TBC1D1: variants seen among roughly 807,000 people sequenced by gnomAD.
TBC1D1 encodes TBC1 (tre-2/USP6, BUB2, cdc16) domain family, member 1.
Under a neutral mutation model 125.6 loss-of-function variants are expected in TBC1D1, and 89 were observed. That is an observed-to-expected ratio of 0.71 (90% CI 0.60 to 0.85). The LOEUF (loss-of-function observed/expected upper bound fraction) is 0.85, where lower values mean the gene tolerates loss of function less well. TBC1D1 is among the 40% of genes least tolerant of loss of function. The pLI is 0.00. For missense variants in TBC1D1, 1,377 were observed against 1,469.2 expected, an observed-to-expected ratio of 0.94 and a Z score of 1.03; for synonymous variants, 565 against 564.1, an observed-to-expected ratio of 1.00 and a Z score of -0.02.
intron 2 of TBC1D1, among the ~76,000 whole-genome samples, chr4:37,953,032 G>A (rs1199546271): frequency 2.0e-5 from 3 of 152,176 alleles, no homozygotes; most frequent in African/African-American, 4.8e-5. Context: ...GCCGTGTATT[G>A]TCTCAGCTGC....
At chr4:38,023,577 G>T (rs767083599) in intron 6 of TBC1D1, among the ~76,000 whole-genome samples, 1 of 152,174 alleles carries the variant, frequency 6.6e-6, no homozygotes, top group African/African-American at 2.4e-5. Flanking sequence ...TTATCTTCTT[G>T]TTTCTGGTTT....
In TBC1D1 at chr4:38,023,491, A is replaced by G. The variant is rs76154523; in HGVS notation, c.1210+1773A>G. Among the ~76,000 whole-genome samples, 27 of 152,200 alleles carry G rather than the reference A, an allele frequency of 1.8e-4. No individual in the cohort carries two copies. The East Asian group carries it at 4.6e-3, about 26-fold the overall frequency. ...CAAAACTGAAGCTCATTAAATGCCAACTCCGCTCCTTCTCAGCCTCTGGCA... is the reference window on the plus strand; with the variant it reads ...CAAAACTGAAGCTCATTAAATGCCAGCTCCGCTCCTTCTCAGCCTCTGGCA... On this transcript the variant is annotated intron_variant, in intron 6 of 19. Coordinates refer to ENST00000261439, the MANE Select transcript of TBC1D1 (RefSeq NM_015173.4).
intron 2 of TBC1D1, among the ~76,000 whole-genome samples, chr4:37,962,984 T>C (rs1323636416): frequency 6.6e-6 from 1 of 152,332 alleles, no homozygotes; most frequent in East Asian, 1.9e-4. Context: ...AAGTACTTCT[T>C]TGGCAATAAA....
intron 8 of TBC1D1, among the ~76,000 whole-genome samples, chr4:38,040,877 G>A (rs1424868993): frequency 6.6e-6 from 1 of 152,194 alleles, no homozygotes; most frequent in Non-Finnish European, 1.5e-5. Context: ...TGCTGAGTGA[G>A]TCTGTTACCT....
At chr4:37,969,751 A>G (rs917669645) in intron 2 of TBC1D1, among the ~76,000 whole-genome samples, 3 of 152,252 alleles carry the variant, frequency 2.0e-5, no homozygotes, top group African/African-American at 7.2e-5. Context: ...TACCAAAATT[A>G]AGATGTAATT....
rs564634896 is a variant in TBC1D1, at chr4:38,119,097, A to G, written c.2962+905A>G. Among the ~76,000 whole-genome samples, 3 of 152,306 alleles carry G rather than the reference A, an allele frequency of 2.0e-5. No homozygotes were observed. The East Asian group carries it at 5.8e-4, about 29-fold the overall frequency. On this transcript the variant is annotated intron_variant, in intron 17 of 19. Coordinates refer to ENST00000261439, the MANE Select transcript of TBC1D1 (RefSeq NM_015173.4). ...ACTAAAAAAATGATAGTTATTATAT[A>G]TCAAATGTTTTTAAGCATCACTTGA...
At chr4:38,070,574 C>T (rs1243185652) in intron 12 of TBC1D1, among the ~76,000 whole-genome samples, 1 of 152,084 alleles carries the variant, frequency 6.6e-6, no homozygotes, top group Non-Finnish European at 1.5e-5. Flanking sequence ...ATAGATGGTG[C>T]TTGGTTTCTT....
At chr4:37,895,089 A>AT (rs755409373) in intron 1 of TBC1D1, among the ~76,000 whole-genome samples, 6 of 152,234 alleles carry the variant, frequency 3.9e-5, no homozygotes, top group Non-Finnish European at 8.8e-5. Context: ...CTCTGGAGCC[A>AT]AAGGGCCTGG....
chr4:38,087,143 G>T (rs1189676793), intron 12 of TBC1D1, among the ~76,000 whole-genome samples: 1 of 152,204 alleles, frequency 6.6e-6, no homozygotes, highest in East Asian at 1.9e-4. Flanking sequence ...ACTGTCACTA[G>T]TGATAATAAG....
intron 2 of TBC1D1, among the ~76,000 whole-genome samples, chr4:37,915,187 A>G (rs181566377): frequency 3.3e-5 from 5 of 152,268 alleles, no homozygotes; most frequent in Non-Finnish European, 5.9e-5. Flanking sequence ...TTAATTCTTG[A>G]GGATGTACTC....
chr4:38,103,198 C>T (rs774008266), intron 15 of TBC1D1, 41 bp downstream of exon 17: 2 of 1,572,302 alleles, frequency 1.3e-6, no homozygotes, highest in South Asian at 1.2e-5. Flanking sequence ...ATGGAAGTTT[C>T]ACTCACATGA....
intron 18 of TBC1D1, among the ~76,000 whole-genome samples, chr4:38,130,910 GCTGT>G (rs376559179): frequency 2.0e-4 from 31 of 152,308 alleles, no homozygotes; most frequent in African/African-American, 6.3e-4. Flanking sequence ...GATCACTTGT[GCTGT>G]CTAAGTGTGC....
chr4:38,074,992 C>T (rs1228140359), intron 12 of TBC1D1, among the ~76,000 whole-genome samples: 2 of 152,146 alleles, frequency 1.3e-5, no homozygotes, highest in African/African-American at 4.8e-5. Flanking sequence ...AACTCCTGAC[C>T]TCGTCATCCG....
chr4:37,925,084 C>T (rs1721781681), intron 2 of TBC1D1, among the ~76,000 whole-genome samples: 1 of 152,238 alleles, frequency 6.6e-6, no homozygotes, highest in Non-Finnish European at 1.5e-5. Flanking sequence ...AAAGTCATCT[C>T]TCCAAGCCGT....
At chr4:38,104,635 T>A (rs1169712710) in intron 15 of TBC1D1, among the ~76,000 whole-genome samples, 1 of 152,192 alleles carries the variant, frequency 6.6e-6, no homozygotes, top group East Asian at 1.9e-4. Flanking sequence ...GTTCTCTGAT[T>A]GTTCCTGCAG....
intron 2 of TBC1D1, among the ~76,000 whole-genome samples, chr4:37,944,706 T>C (rs1726295108): frequency 6.6e-6 from 1 of 152,040 alleles, no homozygotes; most frequent in Non-Finnish European, 1.5e-5. Flanking sequence ...AGGGTGGGAG[T>C]GACCCGATTT....
chr4:37,924,902 C>T (rs1470514146), intron 2 of TBC1D1, among the ~76,000 whole-genome samples: 2 of 152,206 alleles, frequency 1.3e-5, no homozygotes, highest in Non-Finnish European at 2.9e-5. Context: ...AAGTGGAATT[C>T]CTGGGTCAAC....
chr4:37,960,361 A>C (rs1286706896), intron 2 of TBC1D1: 8 of 1,325,824 alleles, frequency 6.0e-6, no homozygotes, highest in Non-Finnish European at 8.3e-6. Flanking sequence ...CACTATAGTT[A>C]ACATTCTATC....
intron 12 of TBC1D1, among the ~76,000 whole-genome samples, chr4:38,084,566 C>G (rs1363390903): frequency 6.6e-6 from 1 of 152,136 alleles, no homozygotes; most frequent in Non-Finnish European, 1.5e-5. Context: ...TTGTTTTTTT[C>G]TAAGAAATTT....
Sources: allele counts gnomAD v4.1 joint callset (sites outside exome capture counted in the v4.1 genomes callset), GRCh38; gene constraint gnomAD v4.1.1; transcripts MANE v1.5; gene names NCBI Gene and HGNC (gene_info 2026-07-23, HGNC 2026-07-21).